The following PAMR1 variants were observed in gnomAD, a reference collection of about 807,000 sequenced individuals.
PAMR1 encodes inactive serine protease PAMR1.
In PAMR1, 88 loss-of-function variants were observed where a neutral mutation model predicts 81.8. The observed-to-expected ratio is 1.08, with a 90% CI of 0.91 to 1.28. The LOEUF is 1.28. Among genes scored for constraint, PAMR1 ranks in the 50% most tolerant of loss-of-function variants. PAMR1 has a pLI of 0.00. For synonymous variants in PAMR1, 336 were observed against 345.3 expected, an observed-to-expected ratio of 0.97 and a Z score of 0.30; for missense variants, 935 against 919.7, an observed-to-expected ratio of 1.02 and a Z score of -0.21.
intron 3 of PAMR1, among the ~76,000 whole-genome samples, chr11:35,475,499 T>C (rs766359215): frequency 9.2e-5 from 14 of 152,212 alleles, no homozygotes; most frequent in Non-Finnish European, 1.8e-4. Context: ...TCCCTAAGAT[T>C]TGAAAACCAC....
chr11:35,483,274 C>A (rs1850435984), intron 3 of PAMR1, among the ~76,000 whole-genome samples: 1 of 151,894 alleles, frequency 6.6e-6, no homozygotes, highest in African/African-American at 2.4e-5. Context: ...CTCCTTCCCC[C>A]AGCTTCCTGC....
intron 6 of PAMR1, among the ~76,000 whole-genome samples, chr11:35,452,996 T>C (rs1856451464): frequency 6.6e-6 from 1 of 152,228 alleles, no homozygotes; most frequent in South Asian, 2.1e-4. Context: ...AGGTGTTCAA[T>C]AAATATTTGT....
chr11:35,460,243 A>C (rs2135366271), intron 6 of PAMR1, among the ~76,000 whole-genome samples: 1 of 152,032 alleles, frequency 6.6e-6, no homozygotes, highest in East Asian at 1.9e-4. Context: ...GGGTCCCATA[A>C]TGTCAGGGAT....
chr11:35,472,175 G>A (rs1850200090), intron 4 of PAMR1, among the ~76,000 whole-genome samples: 1 of 152,202 alleles, frequency 6.6e-6, no homozygotes, highest in African/African-American at 2.4e-5. Context: ...GATTTCTTAT[G>A]CAGATGCCAC....
chr11:35,502,490 C>T (rs1474888170), intron 1 of PAMR1, among the ~76,000 whole-genome samples: 2 of 151,214 alleles, frequency 1.3e-5, no homozygotes, highest in Admixed American at 6.6e-5. Context: ...AGCTCCCACT[C>T]ATAAGTGAGA....
chr11:35,462,387 T>A (rs1365615708), intron 6 of PAMR1, among the ~76,000 whole-genome samples: 1 of 152,234 alleles, frequency 6.6e-6, no homozygotes, highest in Non-Finnish European at 1.5e-5. Flanking sequence ...ACCACCTACT[T>A]GTCCTTTTAA....
intron 1 of PAMR1, among the ~76,000 whole-genome samples, chr11:35,511,209 A>G (rs1851066673): frequency 6.6e-6 from 1 of 152,210 alleles, no homozygotes; most frequent in East Asian, 1.9e-4. Flanking sequence ...CAACTATCCA[A>G]TACTGGTCCG....
At chr11:35,439,577 G>A (rs762789442) in intron 8 of PAMR1, 50 bp downstream of exon 8, 2 of 1,431,894 alleles carry the variant, frequency 1.4e-6, no homozygotes, top group South Asian at 1.1e-5. Context: ...GGAATGGAAG[G>A]GGAAATACTC....
intron 3 of PAMR1, among the ~76,000 whole-genome samples, chr11:35,487,181 C>A (rs1226068358): frequency 7.0e-6 from 1 of 143,312 alleles, no homozygotes; most frequent in Non-Finnish European, 1.5e-5. Context: ...TGAGAAAGAA[C>A]AAACATTTGT....
At chr11:35,522,397 T>G (rs191725948) in intron 1 of PAMR1, among the ~76,000 whole-genome samples, 2 of 152,220 alleles carry the variant, frequency 1.3e-5, no homozygotes, top group Non-Finnish European at 2.9e-5. Flanking sequence ...CCCTACTTTC[T>G]GTCTACATGA....
chr11:35,506,875 CTT>C (rs60325085), intron 1 of PAMR1, among the ~76,000 whole-genome samples: 198 of 143,184 alleles, frequency 1.4e-3, no homozygotes, highest in African/African-American at 3.0e-3. Context: ...TTTTTTAGTT[CTT>C]TTTTTTTTTT....
chr11:35,514,885 G>C (rs975503897), intron 1 of PAMR1, among the ~76,000 whole-genome samples: 1 of 152,064 alleles, frequency 6.6e-6, no homozygotes, highest in Non-Finnish European at 1.5e-5. Flanking sequence ...CACAACTGTG[G>C]TCCCAGCTAC....
At chr11:35,468,164 G>T in intron 5 of PAMR1, 56 bp from the exon 6 acceptor site, 1 of 1,100,284 alleles carries the variant, frequency 9.1e-7, no homozygotes, top group Non-Finnish European at 1.3e-6. Flanking sequence ...ATGTCTTCAG[G>T]CCCAGAGTCT....
intron 9 of PAMR1, among the ~76,000 whole-genome samples, chr11:35,435,114 A>G (rs1440079302): frequency 6.6e-6 from 1 of 152,196 alleles, no homozygotes; most frequent in Non-Finnish European, 1.5e-5. Flanking sequence ...TAAAATGGAT[A>G]GAACAATAAT....
rs556653695 is a variant in PAMR1 at position 35,485,005 on chromosome 11, C to T, written c.379+7040G>A. ...GTTTCGACTTTGGATATCAGCACCT[C>T]TAATAGCCAGCACCCAAATCGCAGT... On this transcript the variant is annotated intron_variant, in intron 3 of 10. Coordinates refer to ENST00000619888, the MANE Select transcript of PAMR1 (RefSeq NM_001001991.3). Among the ~76,000 whole-genome samples, 4 of 152,282 alleles carry T rather than the reference C, an allele frequency of 2.6e-5. No individual in the cohort carries two copies. In the East Asian group the frequency reaches 5.8e-4, roughly 22 times the overall value.
At chr11:35,523,467 T>C (rs1162568027) in intron 1 of PAMR1, among the ~76,000 whole-genome samples, 1 of 152,246 alleles carries the variant, frequency 6.6e-6, no homozygotes, top group Non-Finnish European at 1.5e-5. Flanking sequence ...GTTTCTCCCC[T>C]CATTCTGTTT....
chr11:35,491,150 G>T (rs771164816), intron 3 of PAMR1, among the ~76,000 whole-genome samples: 1 of 152,170 alleles, frequency 6.6e-6, no homozygotes, highest in Non-Finnish European at 1.5e-5. Context: ...GAACTCCCCA[G>T]TTCACCTGGA....
At position 35,512,034 on chromosome 11, in the gene PAMR1, C is replaced by T. The variant is rs539339521; in HGVS notation, c.73+13479G>A. Among the ~76,000 whole-genome samples, 11 of 152,358 alleles carry T rather than the reference C, an allele frequency of 7.2e-5. No homozygotes were observed. In the South Asian group the frequency reaches 2.1e-3, roughly 29 times the overall value. On this transcript the variant is annotated intron_variant, in intron 1 of 10. Coordinates refer to ENST00000619888, the MANE Select transcript of PAMR1 (RefSeq NM_001001991.3). ...TCAGTCTTCTCCTTCCTTCTCACAG[C>T]TGCTCCTGTTAACAGCATACTGACA... is the stretch of plus-strand genomic sequence containing the variant.
chr11:35,489,368 C>T (rs1462001597), intron 3 of PAMR1, among the ~76,000 whole-genome samples: 1 of 152,148 alleles, frequency 6.6e-6, no homozygotes, highest in Non-Finnish European at 1.5e-5. Flanking sequence ...TTCCTTACCC[C>T]ATTCTTCAGT....
Sources: allele counts gnomAD v4.1 joint callset (sites outside exome capture counted in the v4.1 genomes callset), GRCh38; gene constraint gnomAD v4.1.1; transcripts MANE v1.5; gene names NCBI Gene and HGNC (gene_info 2026-07-23, HGNC 2026-07-21).